Variants in PTPRT observed in about 807,000 individuals in gnomAD.
PTPRT encodes the protein protein tyrosine phosphatase receptor type T.
A neutral mutation model predicts 176.8 loss-of-function variants in PTPRT; 56 were observed. The ratio of observed to expected loss-of-function variants is 0.32; its 90% CI spans 0.26 to 0.40. The LOEUF (loss-of-function observed/expected upper bound fraction) is 0.40, where lower values mean the gene tolerates loss of function less well. Among genes scored for constraint, PTPRT ranks in the 10% least tolerant of loss-of-function variants. The probability of loss-of-function intolerance (pLI) is 1.00; values close to 1 mark genes in which losing one functional copy is unlikely to be tolerated. For synonymous variants in PTPRT, 783 were observed against 739.0 expected, an observed-to-expected ratio of 1.06 and a Z score of -0.96; for missense variants, 1,540 against 1,908.2, an observed-to-expected ratio of 0.81 and a Z score of 3.60.
intron 1 of PTPRT, among the ~76,000 whole-genome samples, chr20:42,928,465 C>A (rs747784542): frequency 6.6e-6 from 1 of 152,172 alleles, no homozygotes; most frequent in South Asian, 2.1e-4. Flanking sequence ...AGGAGGGAAT[C>A]TCTGGGGTGC....
chr20:42,236,190 C>T, intron 15 of PTPRT, 39 bp downstream of exon 15: 1 of 1,544,960 alleles, frequency 6.5e-7, no homozygotes, highest in Non-Finnish European at 8.9e-7. Context: ...GGTTCCCTTA[C>T]AGGGCACGAA....
rs35557451 is a variant in PTPRT at position 42,824,292 on chromosome 20, A to C, written c.215-32826T>G. Among the ~76,000 whole-genome samples, 927 of 152,258 alleles carry C rather than the reference A, an allele frequency of 6.1e-3. 6 individuals carry two copies. Among genetic ancestry groups the C allele is most frequent in the Non-Finnish European group, 0.011 (755 of 67,972 alleles). The stretch of plus-strand genomic sequence containing the variant: ...TAAAGATCATTTGAAAGGAGACACA[A>C]AGAGTCTCTCTCTCTTTTGTTTTGT... On this transcript the variant is annotated intron_variant, in intron 2 of 30. Coordinates refer to ENST00000373187, the MANE Select transcript of PTPRT (RefSeq NM_007050.6).
At chr20:42,448,004 A>G (rs1046409165) in intron 9 of PTPRT, among the ~76,000 whole-genome samples, 3 of 152,142 alleles carry the variant, frequency 2.0e-5, no homozygotes, top group Non-Finnish European at 2.9e-5. Context: ...AGTCACTTCA[A>G]TGCATGATGT....
chr20:42,791,590 A>T, intron 2 of PTPRT, 124 bp from the exon 3 acceptor site: 1 of 1,115,696 alleles, frequency 9.0e-7, no homozygotes, highest in Non-Finnish European at 1.2e-6. Flanking sequence ...TCACTCTAGA[A>T]GGGTCTGGGT....
At chr20:42,411,533 A>G (rs1435716559) in intron 9 of PTPRT, among the ~76,000 whole-genome samples, 2 of 145,746 alleles carry the variant, frequency 1.4e-5, no homozygotes, top group African/African-American at 5.1e-5. Context: ...AAAAAAAAAA[A>G]AAAAAAAGAA....
chr20:43,092,744 G>C (rs1401499181), intron 1 of PTPRT, among the ~76,000 whole-genome samples: 2 of 152,110 alleles, frequency 1.3e-5, no homozygotes, highest in African/African-American at 4.8e-5. Context: ...ACAGATAACA[G>C]TTGTTCCATT....
intron 5 of PTPRT, among the ~76,000 whole-genome samples, chr20:42,770,865 C>A (rs548821106): frequency 9.2e-5 from 14 of 152,306 alleles, no homozygotes; most frequent in African/African-American, 3.1e-4. Flanking sequence ...AGGTTTTGGT[C>A]TGGGTTTCTG....
intron 1 of PTPRT, among the ~76,000 whole-genome samples, chr20:43,027,798 T>C (rs1054087542): frequency 6.6e-6 from 1 of 152,170 alleles, no homozygotes; most frequent in Admixed American, 6.5e-5. Flanking sequence ...TGTAACTCAC[T>C]TCTATTACCT....
chr20:42,953,396 A>G (rs758992161), intron 1 of PTPRT, among the ~76,000 whole-genome samples: 17 of 152,234 alleles, frequency 1.1e-4, no homozygotes, highest in Non-Finnish European at 2.2e-4. Context: ...GGGATTCGAA[A>G]GCAGATCTAA....
At chr20:42,496,413 G>T (rs1269691911) in intron 7 of PTPRT, among the ~76,000 whole-genome samples, 3 of 152,112 alleles carry the variant, frequency 2.0e-5, no homozygotes, top group Non-Finnish European at 4.4e-5. Flanking sequence ...TGTCCTAAAA[G>T]AAGTCAAAAG....
chr20:42,109,322 C>T (rs1185395953), intron 23 of PTPRT, among the ~76,000 whole-genome samples: 7 of 152,030 alleles, frequency 4.6e-5, no homozygotes, highest in South Asian at 4.2e-4. Context: ...AAGAGAGAGG[C>T]GTTGGGAAGG....
intron 11 of PTPRT, among the ~76,000 whole-genome samples, chr20:42,319,262 C>CA (rs1394353501): frequency 1.4e-5 from 2 of 142,636 alleles, no homozygotes; most frequent in Non-Finnish European, 3.1e-5. Context: ...AGTATCCTTC[C>CA]TTTTTTTTTT....
At chr20:42,485,361 G>C (rs2071449328) in intron 7 of PTPRT, among the ~76,000 whole-genome samples, 1 of 152,236 alleles carries the variant, frequency 6.6e-6, no homozygotes, top group Admixed American at 6.5e-5. Flanking sequence ...AAACATTTCT[G>C]ATGGTCAAAA....
chr20:42,614,776 T>C (rs1201263140), intron 7 of PTPRT, among the ~76,000 whole-genome samples: 1 of 152,132 alleles, frequency 6.6e-6, no homozygotes, highest in Admixed American at 6.5e-5. Flanking sequence ...GAAAGAGGTT[T>C]AATGCACTTA....
chr20:42,874,259 C>T (rs1304036283), intron 2 of PTPRT, among the ~76,000 whole-genome samples: 2 of 152,148 alleles, frequency 1.3e-5, no homozygotes, highest in Non-Finnish European at 2.9e-5. Context: ...GTCGCTGACA[C>T]ACGACTGTTT....
At chr20:42,048,873 G>GTGC in the PTPRT span, among the ~76,000 whole-genome samples, 2 of 152,178 alleles carry the variant, frequency 1.3e-5, no homozygotes, top group East Asian at 3.9e-4. Flanking sequence ...CCAGGCTGGA[G>GTGC]TGCAGTGGCG....
At chr20:42,175,223 T>A (rs866211323) in intron 16 of PTPRT, among the ~76,000 whole-genome samples, 5 of 152,164 alleles carry the variant, frequency 3.3e-5, no homozygotes, top group Admixed American at 6.5e-5. Context: ...ATTTAAGATA[T>A]TTAATATGGC....
intron 1 of PTPRT, among the ~76,000 whole-genome samples, chr20:42,944,811 T>C (rs1391285203): frequency 1.3e-5 from 2 of 152,192 alleles, no homozygotes; most frequent in Admixed American, 6.5e-5. Context: ...CAGTATTTAT[T>C]GTAATTTGCA....
At chr20:42,528,572 C>A (rs1428137989) in intron 7 of PTPRT, among the ~76,000 whole-genome samples, 1 of 152,166 alleles carries the variant, frequency 6.6e-6, no homozygotes, top group Non-Finnish European at 1.5e-5. Context: ...TGATGCCCTG[C>A]CTGGAATATC....
Sources: allele counts gnomAD v4.1 joint callset (sites outside exome capture counted in the v4.1 genomes callset), GRCh38; gene constraint gnomAD v4.1.1; transcripts MANE v1.5; gene names NCBI Gene and HGNC (gene_info 2026-07-23, HGNC 2026-07-21).